SERPINA6: variants seen among roughly 807,000 people sequenced by gnomAD.
The protein encoded by SERPINA6 is corticosteroid-binding globulin.
SERPINA6 carries 19 observed loss-of-function variants against 26.4 expected under a neutral mutation model. The observed-to-expected ratio is 0.72, with a 90% CI of 0.50 to 1.06. The LOEUF (loss-of-function observed/expected upper bound fraction) is 1.06. Among genes scored for constraint, SERPINA6 ranks in the 50% least tolerant of loss-of-function variants. SERPINA6 has a pLI of 0.00. For missense variants in SERPINA6, 473 were observed against 504.0 expected (o/e 0.94, Z 0.59); for synonymous variants, 196 against 199.4 (o/e 0.98, Z 0.14).
rs892655026 is a variant in SERPINA6 at position 94,309,784 on chromosome 14, G to T, written c.836C>A (p.Ala279Glu). The T allele has an allele frequency of 6.2e-7, 1 of 1,614,170 alleles. No homozygotes were observed. The highest frequency in any genetic ancestry group is 8.5e-7 in the Non-Finnish European group (1 of 1,180,040). The change falls in exon 3 of 5, where the codon GCA (alanine) becomes GAA (glutamate). Residue 279 changes from alanine (A) to glutamate (E), a missense_variant. Coordinates refer to ENST00000341584, the MANE Select transcript of SERPINA6 (RefSeq NM_001756.4). ...CCTGTTAATCGTGTCCCGGCTCAGTGCAGCGATGACTGTGTTCATCTTCCC... is the reference window on the plus strand; with the variant it reads ...CCTGTTAATCGTGTCCCGGCTCAGTTCAGCGATGACTGTGTTCATCTTCCC... ...DKGKMNTVIA[A>E]LSRDTINRWS...
Position 94,317,455 on chromosome 14 carries a change from C to T in SERPINA6, c.-19-2788G>A, listed in dbSNP as rs563602163. Among the ~76,000 whole-genome samples, 230 of 152,136 alleles carry T rather than the reference C, an allele frequency of 1.5e-3. 1 individual carries two copies. Among genetic ancestry groups the T allele is most frequent in the Non-Finnish European group, 2.9e-3 (195 of 68,024 alleles). On this transcript the variant is annotated intron_variant, in intron 1 of 4. Coordinates refer to ENST00000341584, the MANE Select transcript of SERPINA6 (RefSeq NM_001756.4). The stretch of plus-strand genomic sequence containing the variant: ...TGTGGGAAGTTTGTGCCCTTTGCAG[C>T]GGGGAGGAGCTTGGCCTCTCTCTCC...
Position 94,314,403 on chromosome 14 carries a change from A to C in SERPINA6, c.246T>G (p.Cys82Trp). 1 of 1,614,196 alleles carries C rather than the reference A, an allele frequency of 6.2e-7. No individual in the cohort carries two copies. The highest frequency in any genetic ancestry group is 8.5e-7 in the Non-Finnish European group (1 of 1,180,040). Residue 82 changes from cysteine to tryptophan, a missense_variant, in exon 2 of 5, where the codon TGT (cysteine) becomes TGG (tryptophan). Coordinates refer to ENST00000341584, the MANE Select transcript of SERPINA6 (RefSeq NM_001756.4). ...MALAMLSLGTCGHTRAQLLQG... is the reference protein window; with the variant it reads ...MALAMLSLGTWGHTRAQLLQG... Reference sequence around the variant, plus strand: ...GGAGAAGCTGGGCCCGTGTGTGGCCACAGGTGCCCAGGGACAGCATAGCTA... The same window carrying C: ...GGAGAAGCTGGGCCCGTGTGTGGCCCCAGGTGCCCAGGGACAGCATAGCTA...
chr14:94,321,113 C>G (rs1378891996), intron 1 of SERPINA6, among the ~76,000 whole-genome samples: 1 of 152,104 alleles, frequency 6.6e-6, no homozygotes. Context: ...GATAATAACA[C>G]CTCTAGCCTT....
At chr14:94,319,922 G>A (rs1046372109) in intron 1 of SERPINA6, among the ~76,000 whole-genome samples, 1 of 152,136 alleles carries the variant, frequency 6.6e-6, no homozygotes, top group African/African-American at 2.4e-5. Context: ...TGAACTGTAT[G>A]CTTGTAGTTA....
At chr14:94,322,533 C>T (rs565507561) in intron 1 of SERPINA6, among the ~76,000 whole-genome samples, 10 of 152,090 alleles carry the variant, frequency 6.6e-5, no homozygotes, top group African/African-American at 2.4e-4. Flanking sequence ...AACAAACAAA[C>T]AAAAAAGTAC....
intron 1 of SERPINA6, among the ~76,000 whole-genome samples, chr14:94,315,759 A>G (rs190227501): frequency 7.9e-5 from 12 of 152,362 alleles, no homozygotes; most frequent in Admixed American, 6.5e-4. Flanking sequence ...GCAATGACAT[A>G]TTAATAAAGT....
At chr14:94,321,060 C>A (rs1895679092) in intron 1 of SERPINA6, among the ~76,000 whole-genome samples, 1 of 152,234 alleles carries the variant, frequency 6.6e-6, no homozygotes, top group South Asian at 2.1e-4. Flanking sequence ...GTGGGACAGG[C>A]TACTTAAACT....
rs1416711503 is a variant in SERPINA6, at chr14:94,314,127, G to A, written c.522C>T (p.Val174=). 1.9e-6 allele frequency: 3 copies of A among 1,614,062 alleles called. No homozygotes were observed. The Admixed American group carries it at 5.0e-5, about 27-fold the overall frequency. ...CAATTTTCCCCTGTGTCTTATTCTT[G>A]ACATAGCTGTTGATCTGTCTGCTGG... is the stretch of plus-strand genomic sequence containing the variant. The part of the protein sequence containing the change: ...ATASRQINSY[V]KNKTQGKIVD... Residue 174 remains valine (V), a synonymous_variant, in exon 2 of 5, where the codon GTC becomes GTT. Coordinates refer to ENST00000341584, the MANE Select transcript of SERPINA6 (RefSeq NM_001756.4).
intron 4 of SERPINA6, among the ~76,000 whole-genome samples, chr14:94,304,981 G>C (rs1010291358): frequency 6.6e-6 from 1 of 152,192 alleles, no homozygotes; most frequent in Non-Finnish European, 1.5e-5. Context: ...GTTATGCAAA[G>C]TGCCTATGTC....
chr14:94,310,974 A>G (rs1895520564), intron 2 of SERPINA6, among the ~76,000 whole-genome samples: 1 of 152,222 alleles, frequency 6.6e-6, no homozygotes, highest in African/African-American at 2.4e-5. Flanking sequence ...ACATCACTCC[A>G]GGTAGCCCTT....
chr14:94,309,652 G>A, intron 3 of SERPINA6, 84 bp downstream of exon 3: 1 of 1,496,334 alleles, frequency 6.7e-7, no homozygotes, highest in Non-Finnish European at 9.2e-7. Flanking sequence ...AAGGAAGGAT[G>A]CCCCAGCATA....
At chr14:94,310,091 C>T in intron 2 of SERPINA6, 85 bp from the exon 3 acceptor site, 1 of 1,385,588 alleles carries the variant, frequency 7.2e-7, no homozygotes, top group South Asian at 1.2e-5. Flanking sequence ...CCAAGTGACA[C>T]AGTGGCCTTC....
chr14:94,320,685 T>C (rs1414414345), intron 1 of SERPINA6, among the ~76,000 whole-genome samples: 1 of 152,192 alleles, frequency 6.6e-6, no homozygotes, highest in Admixed American at 6.5e-5. Context: ...GCCCCTTCCC[T>C]GGTGTGTTCC....
At chr14:94,314,784 G>T in intron 1 of SERPINA6, 117 bp from the exon 2 acceptor site, 1 of 939,662 alleles carries the variant, frequency 1.1e-6, no homozygotes, top group Non-Finnish European at 1.7e-6. Context: ...CTCCACACTG[G>T]CTGTGTGACC....
intron 2 of SERPINA6, 146 bp from the exon 3 acceptor site, chr14:94,310,152 A>G (rs747696966): frequency 5.1e-4 from 414 of 812,120 alleles, no homozygotes; most frequent in Non-Finnish European, 7.6e-4. Context: ...TAGGTAAGAT[A>G]TAAAAATTCC....
chr14:94,316,630 T>TA (rs1895618542), intron 1 of SERPINA6, among the ~76,000 whole-genome samples: 1 of 152,228 alleles, frequency 6.6e-6, no homozygotes, highest in Admixed American at 6.5e-5. Context: ...TCTACCCTCA[T>TA]AAAAGGAATT....
Position 94,304,621 on chromosome 14 carries a change from A to G in SERPINA6, c.1033-18T>C, listed in dbSNP as rs746229435. ...TGGACCACCTGTTAGGTACAGAATG[A>G]AGATGGGTAGTGAGACCTGCTGTGC... On this transcript the variant is annotated intron_variant, in intron 4 of 4. Coordinates refer to ENST00000341584, the MANE Select transcript of SERPINA6 (RefSeq NM_001756.4). 3.1e-6 allele frequency: 5 copies of G among 1,609,916 alleles called. No homozygotes were observed. In the South Asian group the frequency reaches 5.5e-5, roughly 18 times the overall value.
chr14:94,316,833 C>A (rs1057112853), intron 1 of SERPINA6, among the ~76,000 whole-genome samples: 7 of 152,190 alleles, frequency 4.6e-5, no homozygotes, highest in African/African-American at 1.4e-4. Flanking sequence ...TCTGTGTTTA[C>A]CAGCCCTGAA....
At chr14:94,322,858 C>T (rs1895703174) in intron 1 of SERPINA6, among the ~76,000 whole-genome samples, 1 of 152,174 alleles carries the variant, frequency 6.6e-6, no homozygotes, top group South Asian at 2.1e-4. Flanking sequence ...CCCTCCCAGG[C>T]CCTGACCCGC....
Sources: gnomAD v4.1 joint callset for allele counts (sites outside exome capture counted in the v4.1 genomes callset) on GRCh38, gnomAD v4.1.1 for gene constraint, MANE v1.5 for transcripts, NCBI Gene and HGNC (gene_info 2026-07-23, HGNC 2026-07-21) for gene names.